The following ARHGAP21 variants were observed in gnomAD, a reference collection of about 807,000 sequenced individuals.
ARHGAP21 encodes Rho GTPase activating protein 21, also known as rho GTPase-activating protein 21.
Under a neutral mutation model 164.6 loss-of-function variants are expected in ARHGAP21, and 38 were observed. The observed-to-expected ratio is 0.23, with a 90% CI of 0.18 to 0.30. The LOEUF is 0.30. Among genes scored for constraint, ARHGAP21 ranks in the 10% least tolerant of loss-of-function variants. The pLI is 1.00. For synonymous variants in ARHGAP21, 766 were observed against 857.9 expected, an observed-to-expected ratio of 0.89 and a Z score of 1.87; for missense variants, 1,822 against 2,370.7, an observed-to-expected ratio of 0.77 and a Z score of 4.81.
In ARHGAP21 at chr10:24,606,443, CAAATT is replaced by C. The variant is rs201320011; in HGVS notation, c.2684+1051_2684+1055del. The stretch of plus-strand genomic sequence containing the variant: ...GAAATGGTGTTCAACTGCTAAGTGT[CAAATT>C]AAAACTGCAATATGCCATTATAATA... On this transcript the variant is annotated intron_variant, in intron 11 of 25. Transcript: ENST00000396432. 5.8e-3 allele frequency among the ~76,000 whole-genome samples: 889 copies of C among 152,162 alleles called. 5 individuals carry two copies. The highest frequency in any genetic ancestry group is 0.02 in the African/African-American group (835 of 41,488).
intron 17 of ARHGAP21, 59 bp downstream of exon 17, chr10:24,596,681 C>A: frequency 6.2e-7 from 1 of 1,608,902 alleles, no homozygotes; most frequent in South Asian, 1.1e-5. Context: ...ACTCAGATCC[C>A]ATTATAATCA....
At position 24,585,232 on chromosome 10, in the gene ARHGAP21, T is replaced by C. The variant is rs762603544; in HGVS notation, c.5057A>G (p.Asp1686Gly). 1 of 1,605,692 alleles carries C rather than the reference T, an allele frequency of 6.2e-7. No individual in the cohort carries two copies. Among genetic ancestry groups the C allele is most frequent in the African/African-American group, 1.3e-5 (1 of 74,806 alleles). ...GGAACTGAAGAGCTGTCTCCGGCTA[T>C]CTAAACTTGATGTTAAACTTCCCTC... ...CTEGSLTSSL[D>G]SRRQLFSSHK... Residue 1686 changes from aspartate to glycine, a missense_variant, in exon 26 of 26, where the codon GAT becomes GGT. By Grantham distance (94) the Asp-to-Gly change is moderately conservative (BLOSUM62 -1). This residue lies in a region of ARHGAP21 where 117 missense variants were observed against 193.2 expected (regional missense o/e 0.61). Coordinates refer to ENST00000396432, the MANE Select transcript of ARHGAP21 (RefSeq NM_020824.4).
At chr10:24,715,146 A>G (rs1845242072) in intron 2 of ARHGAP21, among the ~76,000 whole-genome samples, 1 of 152,254 alleles carries the variant, frequency 6.6e-6, no homozygotes, top group Non-Finnish European at 1.5e-5. Context: ...GCCACAAACC[A>G]AATTTTCACA....
chr10:24,635,187 T>C (rs1217029416), intron 4 of ARHGAP21, 84 bp from the exon 5 acceptor site: 3 of 826,116 alleles, frequency 3.6e-6, no homozygotes, highest in Non-Finnish European at 5.4e-6. Flanking sequence ...TTGAGAGAAT[T>C]AAGCAAAGCT....
At chr10:24,637,692 A>C (rs759680412) in intron 4 of ARHGAP21, among the ~76,000 whole-genome samples, 14 of 152,228 alleles carry the variant, frequency 9.2e-5, no homozygotes, top group Non-Finnish European at 1.8e-4. Flanking sequence ...CTACAAAAGA[A>C]ATACTAATTT....
chr10:24,621,464 C>T lies in ARHGAP21; in HGVS notation c.526-95G>A, dbSNP rs190982859. ...GCACTATTTTATCTATGTCCTACCT[C>T]GTTCCTGAGTGACATTCACTATAGC... On this transcript the variant is annotated intron_variant, in intron 8 of 25. Transcript: ENST00000396432. The T allele has an allele frequency of 2.6e-5, 30 of 1,143,810 alleles. No homozygotes were observed. In the East Asian group the frequency reaches 5.7e-4, roughly 22 times the overall value. The allele number at this position is 1,143,810 out of a possible 1,614,324, so 70.9% of individuals were successfully genotyped here.
intron 4 of ARHGAP21, among the ~76,000 whole-genome samples, chr10:24,659,017 A>C (rs1392389652): frequency 1.3e-5 from 2 of 152,212 alleles, no homozygotes; most frequent in East Asian, 3.8e-4. Context: ...GTTGGCTATA[A>C]TACAAAAATG....
Position 24,585,054 on chromosome 10 carries a change from A to G in ARHGAP21, c.5235T>C (p.Ser1745=). The G allele has an allele frequency of 6.2e-7, 1 of 1,613,672 alleles. No homozygotes were observed. Among genetic ancestry groups the G allele is most frequent in the Non-Finnish European group, 8.5e-7 (1 of 1,179,842 alleles). ...DVMKKGKSTG[S]LLTPTRGESE... ...ATTCGCCTCTGGTGGGTGTCAGTAA[A>G]CTCCCAGTTGACTTTCCTTTTTTCA... Residue 1745 remains serine (S), a synonymous_variant, in exon 26 of 26, where the codon AGT becomes AGC. Transcript: ENST00000396432.
At chr10:24,677,659 G>A (rs574687463) in intron 2 of ARHGAP21, among the ~76,000 whole-genome samples, 6 of 152,288 alleles carry the variant, frequency 3.9e-5, no homozygotes, top group South Asian at 2.1e-4. Context: ...ATTAGGTAGC[G>A]TTTATAGGGT....
At chr10:24,670,475 G>A (rs1043393782) in intron 2 of ARHGAP21, 78 bp from the exon 3 acceptor site, 11 of 966,140 alleles carry the variant, frequency 1.1e-5, no homozygotes, top group African/African-American at 8.4e-5. Context: ...ATGTAAAAAT[G>A]TTAATACCTG....
intron 2 of ARHGAP21, among the ~76,000 whole-genome samples, chr10:24,677,247 C>A (rs2131849324): frequency 6.6e-6 from 1 of 152,270 alleles, no homozygotes. Flanking sequence ...ACTCCTCATT[C>A]TTTCTCTGCA....
Position 24,722,157 on chromosome 10 carries a change from T to G in ARHGAP21, c.-258A>C. 1.9e-6 allele frequency: 1 copy of G among 520,572 alleles called. No homozygotes were observed. Among genetic ancestry groups the G allele is most frequent in the Non-Finnish European group, 3.5e-6 (1 of 287,212 alleles). 32.2% of individuals were successfully genotyped at this position (520,572 alleles called of 1,614,324 possible). ...GACTTAAAAACAAAGGCGACAGGTC[T>G]TCTTGGCAGCCAGTGTCGAGGCCAA... On this transcript the variant is annotated 5_prime_UTR_variant, in exon 2 of 26. Coordinates refer to ENST00000396432, the MANE Select transcript of ARHGAP21 (RefSeq NM_020824.4).
Position 24,660,386 on chromosome 10 carries a change from TAAAAAAA to T in ARHGAP21, c.268+6592_268+6598del, listed in dbSNP as rs56053080. ...GCACAGAGCAACACCCTCTCTCTCTTAAAAAAAAAAAAAAAAAAAAAAAAGATGCTGA... is the reference window on the plus strand; with the variant it reads ...GCACAGAGCAACACCCTCTCTCTCTTAAAAAAAAAAAAAAAAAGATGCTGA... On this transcript the variant is annotated intron_variant, in intron 4 of 25. Transcript: ENST00000396432. 1.7e-3 allele frequency among the ~76,000 whole-genome samples: 105 copies of T among 60,096 alleles called. 1 individual carries two copies. In the South Asian group the frequency reaches 0.03, roughly 17 times the overall value. The allele number at this position is 60,096 out of a possible 152,430, so 39.4% of individuals were successfully genotyped here. A position where few individuals can be genotyped will look rare whatever the true frequency, so the allele number is the denominator to read the frequency against.
intron 21 of ARHGAP21, among the ~76,000 whole-genome samples, chr10:24,592,634 A>G (rs2076385311): frequency 6.6e-6 from 1 of 152,026 alleles, no homozygotes; most frequent in African/African-American, 2.4e-5. Flanking sequence ...AAAATAAATT[A>G]GTCAGGCACG....
intron 4 of ARHGAP21, among the ~76,000 whole-genome samples, chr10:24,640,826 G>A (rs1836930600): frequency 6.6e-6 from 1 of 152,044 alleles, no homozygotes; most frequent in Non-Finnish European, 1.5e-5. Context: ...TGAGCAATAG[G>A]AATGTGGATC....
Position 24,585,182 on chromosome 10 carries a change from G to A in ARHGAP21, c.5107C>T (p.Leu1703Phe), listed in dbSNP as rs142036127. ...SSHKLIECDT[L>F]SRKKSARFKS... is the part of the protein sequence containing the mutation. ...AATCTAGCTGATTTTTTCCTGGAAA[G>A]AGTATCACATTCGATGAGTTTATGG... is the stretch of plus-strand genomic sequence containing the variant. Residue 1703 changes from leucine to phenylalanine, a missense_variant, in exon 26 of 26, where the codon CTT (leucine) becomes TTT (phenylalanine). By Grantham distance (22) the Leu-to-Phe change is conservative (BLOSUM62 0). Around this residue, in one of 5 missense-constraint regions of ARHGAP21, gnomAD observed 117 missense variants for 193.2 expected, o/e 0.61. Coordinates refer to ENST00000396432, the MANE Select transcript of ARHGAP21 (RefSeq NM_020824.4). The A allele has an allele frequency of 2.4e-3, 3,785 of 1,609,326 alleles. 10 individuals carry two copies. The Middle Eastern group carries it at 0.027, about 11-fold the overall frequency.
chr10:24,693,584 C>G (rs1842918529), intron 2 of ARHGAP21, among the ~76,000 whole-genome samples: 1 of 152,056 alleles, frequency 6.6e-6, no homozygotes, highest in Non-Finnish European at 1.5e-5. Context: ...AACTCCTGAC[C>G]TCAGGTGATC....
chr10:24,679,518 C>T (rs1841574892), intron 2 of ARHGAP21, among the ~76,000 whole-genome samples: 1 of 152,182 alleles, frequency 6.6e-6, no homozygotes, highest in Non-Finnish European at 1.5e-5. Flanking sequence ...TACATGTTTA[C>T]TTTTATAAGA....
chr10:24,594,730 T>A (rs1029053009), intron 21 of ARHGAP21, among the ~76,000 whole-genome samples: 1 of 152,234 alleles, frequency 6.6e-6, no homozygotes, highest in African/African-American at 2.4e-5. Flanking sequence ...TCATTTTTCT[T>A]ACTGAATAAC....
Sources: allele counts gnomAD v4.1 joint callset (sites outside exome capture counted in the v4.1 genomes callset), GRCh38; gene constraint gnomAD v4.1.1; regional missense constraint gnomAD v4.1.1; transcripts MANE v1.5; gene names NCBI Gene and HGNC (gene_info 2026-07-23, HGNC 2026-07-21).